The following NCKAP5 variants were observed in gnomAD, a reference collection of about 807,000 sequenced individuals.
NCKAP5 encodes NCK associated protein 5.
NCKAP5 carries 92 observed loss-of-function variants against 167.0 expected under a neutral mutation model. That is an observed-to-expected ratio of 0.55 (90% CI 0.47 to 0.66). NCKAP5 has a LOEUF of 0.66. Among genes scored for constraint, NCKAP5 ranks in the 30% least tolerant of loss-of-function variants. The pLI, the probability that NCKAP5 is intolerant of heterozygous loss-of-function variation, is 0.00. For synonymous variants in NCKAP5, 891 were observed against 877.4 expected (o/e 1.02, Z -0.27); for missense variants, 2,378 against 2,315.0 (o/e 1.03, Z -0.56).
the NCKAP5 span, among the ~76,000 whole-genome samples, chr2:133,610,670 C>A: frequency 6.6e-6 from 1 of 152,072 alleles, no homozygotes; most frequent in African/African-American, 2.4e-5. Flanking sequence ...CATTATTCCA[C>A]TGGTTAAAAG....
At chr2:132,964,700 C>G (rs1195376504) in intron 7 of NCKAP5, among the ~76,000 whole-genome samples, 1 of 152,154 alleles carries the variant, frequency 6.6e-6, no homozygotes, top group Non-Finnish European at 1.5e-5. Context: ...AAACACAATG[C>G]TGCAGAAATC....
At chr2:133,181,034 C>T (rs941919225) in intron 5 of NCKAP5, among the ~76,000 whole-genome samples, 3 of 151,778 alleles carry the variant, frequency 2.0e-5, no homozygotes, top group African/African-American at 4.8e-5. Flanking sequence ...CTTGGAACAT[C>T]GGGGGAAAGA....
intron 15 of NCKAP5, among the ~76,000 whole-genome samples, chr2:132,780,592 T>C (rs111318208): frequency 6.6e-6 from 1 of 152,230 alleles, no homozygotes; most frequent in Non-Finnish European, 1.5e-5. Flanking sequence ...CATACAACTT[T>C]CATAAAACAT....
intron 3 of NCKAP5, among the ~76,000 whole-genome samples, chr2:133,496,633 C>A (rs1054158670): frequency 1.3e-5 from 2 of 152,208 alleles, no homozygotes; most frequent in Non-Finnish European, 1.5e-5. Context: ...GTTAGAAATG[C>A]GAATTCATGG....
intron 4 of NCKAP5, among the ~76,000 whole-genome samples, chr2:133,292,970 T>G (rs1369952362): frequency 6.6e-6 from 1 of 152,190 alleles, no homozygotes; most frequent in East Asian, 1.9e-4. Context: ...TCAAATTCAA[T>G]GTATTCCATT....
intron 3 of NCKAP5, among the ~76,000 whole-genome samples, chr2:133,315,632 G>GA (rs60000379): frequency 0.014 from 1,874 of 130,708 alleles, 35 homozygotes; most frequent in African/African-American, 0.046. Context: ...GTTGAGAGGA[G>GA]AAAAAAAAAA....
chr2:132,964,694 A>G (rs1456875476), intron 7 of NCKAP5, among the ~76,000 whole-genome samples: 1 of 152,160 alleles, frequency 6.6e-6, no homozygotes, highest in Non-Finnish European at 1.5e-5. Context: ...AATTCTAAAC[A>G]CAATGCTGCA....
intron 3 of NCKAP5, among the ~76,000 whole-genome samples, chr2:133,371,181 G>A (rs1306025979): frequency 1.3e-5 from 2 of 152,172 alleles, no homozygotes; most frequent in East Asian, 3.8e-4. Context: ...CAGAGAATCT[G>A]CTGGATTTGC....
At chr2:133,028,940 G>A (rs556883289) in intron 6 of NCKAP5, among the ~76,000 whole-genome samples, 1 of 152,142 alleles carries the variant, frequency 6.6e-6, no homozygotes, top group Non-Finnish European at 1.5e-5. Context: ...CTTGTTCCTG[G>A]TTTCACCATG....
At chr2:133,190,646 C>T (rs939466695) in intron 5 of NCKAP5, among the ~76,000 whole-genome samples, 3 of 152,022 alleles carry the variant, frequency 2.0e-5, no homozygotes, top group Non-Finnish European at 2.9e-5. Flanking sequence ...CTTTGACAAA[C>T]CTGACAAAAA....
the NCKAP5 span, among the ~76,000 whole-genome samples, chr2:133,621,616 CA>C: frequency 6.6e-6 from 1 of 151,940 alleles, no homozygotes; most frequent in Non-Finnish European, 1.5e-5. Flanking sequence ...AGACCAATAA[CA>C]AGCAGTGAGC....
intron 4 of NCKAP5, among the ~76,000 whole-genome samples, chr2:133,263,727 G>A (rs1260181727): frequency 1.3e-5 from 2 of 152,084 alleles, no homozygotes; most frequent in African/African-American, 4.8e-5. Flanking sequence ...TTAAAAAAGA[G>A]AAACTGCCAT....
chr2:133,079,731 A>G (rs577062855), intron 6 of NCKAP5, among the ~76,000 whole-genome samples: 1 of 152,290 alleles, frequency 6.6e-6, no homozygotes, highest in Non-Finnish European at 1.5e-5. Flanking sequence ...TCTTTCATCT[A>G]TACATATTAA....
intron 6 of NCKAP5, among the ~76,000 whole-genome samples, chr2:133,106,365 T>C (rs1449441982): frequency 6.6e-6 from 1 of 151,518 alleles, no homozygotes; most frequent in East Asian, 1.9e-4. Flanking sequence ...AAGTGTGGGC[T>C]ATGCCAGGGG....
intron 11 of NCKAP5, among the ~76,000 whole-genome samples, chr2:132,818,811 A>T (rs1686485266): frequency 6.6e-6 from 1 of 152,228 alleles, no homozygotes. Flanking sequence ...TAAACTTGTG[A>T]CTTTGTCTCC....
intron 16 of NCKAP5, among the ~76,000 whole-genome samples, chr2:132,765,343 G>T (rs1288478520): frequency 8.0e-6 from 1 of 124,382 alleles, no homozygotes; most frequent in African/African-American, 3.2e-5. Context: ...ACGGAGTTTC[G>T]CTCTGTCCCT....
chr2:133,466,856 A>T (rs1433469530), intron 3 of NCKAP5, among the ~76,000 whole-genome samples: 1 of 152,088 alleles, frequency 6.6e-6, no homozygotes, highest in African/African-American at 2.4e-5. Context: ...TTGTACATTG[A>T]TTTTGTATGC....
chr2:133,673,756 G>A, the NCKAP5 span, among the ~76,000 whole-genome samples: 2 of 152,272 alleles, frequency 1.3e-5, no homozygotes, highest in South Asian at 4.1e-4. Context: ...CAGAGCTACT[G>A]GCACATTAAA....
At chr2:132,963,317 C>G (rs1378185253) in intron 8 of NCKAP5, among the ~76,000 whole-genome samples, 2 of 152,000 alleles carry the variant, frequency 1.3e-5, no homozygotes, top group East Asian at 1.9e-4. Context: ...TATAAAATCT[C>G]TGTGTGTGTG....
Sources: gnomAD v4.1 joint callset for allele counts (sites outside exome capture counted in the v4.1 genomes callset) on GRCh38, gnomAD v4.1.1 for gene constraint, MANE v1.5 for transcripts, NCBI Gene and HGNC (gene_info 2026-07-23, HGNC 2026-07-21) for gene names.